PCCA: variants seen among roughly 807,000 people sequenced by gnomAD.
PCCA encodes propionyl-CoA carboxylase subunit alpha.
PCCA carries 74 observed loss-of-function variants against 101.3 expected under a neutral mutation model. The observed-to-expected ratio is 0.73, with a 90% CI of 0.61 to 0.89. The LOEUF (loss-of-function observed/expected upper bound fraction) is 0.89, where lower values mean the gene tolerates loss of function less well. PCCA is among the 40% of genes least tolerant of loss of function. The pLI is 0.00. For synonymous variants in PCCA, 294 were observed against 313.6 expected (o/e 0.94, Z 0.66); for missense variants, 891 against 907.0 (o/e 0.98, Z 0.23).
chr13:100,114,744 C>A (rs2048643343), intron 4 of PCCA, among the ~76,000 whole-genome samples: 1 of 152,180 alleles, frequency 6.6e-6, no homozygotes, highest in Non-Finnish European at 1.5e-5. Flanking sequence ...AAATCTTACC[C>A]CGGTTAAAAC....
At chr13:100,316,556 C>T (rs2067366558) in intron 16 of PCCA, among the ~76,000 whole-genome samples, 1 of 152,126 alleles carries the variant, frequency 6.6e-6, no homozygotes, top group African/African-American at 2.4e-5. Flanking sequence ...TGAATATTAT[C>T]AGTCACAAAT....
chr13:100,466,273 A>G (rs1019449701), intron 21 of PCCA: 1 of 152,184 alleles, frequency 6.6e-6, no homozygotes, highest in Non-Finnish European at 1.5e-5. Context: ...TTCTTTTTGC[A>G]GCTACTATTT....
At chr13:100,374,714 A>G (rs570010147) in intron 19 of PCCA, among the ~76,000 whole-genome samples, 3 of 152,320 alleles carry the variant, frequency 2.0e-5, no homozygotes, top group African/African-American at 7.2e-5. Flanking sequence ...AGCACTATAC[A>G]TGCACTTTTT....
In PCCA at chr13:100,524,220, C is replaced by G. The variant is rs576543975; in HGVS notation, c.2041-3455C>G. 2.0e-5 allele frequency among the ~76,000 whole-genome samples: 3 copies of G among 152,358 alleles called. No individual in the cohort carries two copies. The East Asian group carries it at 5.8e-4, about 29-fold the overall frequency. ...GGAGCCCAGCTCAATGCCCAGCCAT[C>G]CCTGGAGCACGCCCTCGAGTGTCAG... On this transcript the variant is annotated intron_variant, in intron 22 of 23. Transcript: ENST00000376285.
chr13:100,279,585 C>G (rs780401176), intron 12 of PCCA, among the ~76,000 whole-genome samples: 1 of 152,136 alleles, frequency 6.6e-6, no homozygotes, highest in Non-Finnish European at 1.5e-5. Flanking sequence ...AAACAATTCT[C>G]CTGCCTCAGC....
chr13:100,282,313 G>A (rs778414749), intron 12 of PCCA, among the ~76,000 whole-genome samples: 2 of 152,254 alleles, frequency 1.3e-5, no homozygotes, highest in African/African-American at 2.4e-5. Flanking sequence ...GCTCGCTCTC[G>A]GCGCCTCCTC....
intron 21 of PCCA, among the ~76,000 whole-genome samples, chr13:100,458,440 TACACACACACACACAC>T (rs777836240): frequency 0.014 from 1,611 of 118,806 alleles, 31 homozygotes; most frequent in African/African-American, 0.042. Flanking sequence ...CACACACACA[TACACACACACACACAC>T]ACACACACAC....
intron 10 of PCCA, among the ~76,000 whole-genome samples, chr13:100,267,964 C>T (rs949276125): frequency 3.9e-5 from 6 of 152,036 alleles, no homozygotes; most frequent in African/African-American, 1.2e-4. Context: ...ATGCTTGGGA[C>T]CAGAAGTGTT....
rs748759552 is a variant in PCCA at position 100,340,142 on chromosome 13, A to G, written c.1541-15A>G. ...AAATGATTGATTGATTGATTGGTTGATTGATTTCCCTCAGGACACATGCTA... is the reference window on the plus strand; with the variant it reads ...AAATGATTGATTGATTGATTGGTTGGTTGATTTCCCTCAGGACACATGCTA... On this transcript the variant is annotated splice_polypyrimidine_tract_variant and intron_variant, in intron 17 of 23. Coordinates refer to ENST00000376285, the MANE Select transcript of PCCA (RefSeq NM_000282.4). 6.1e-6 allele frequency: 8 copies of G among 1,315,600 alleles called. No homozygotes were observed. The East Asian group carries it at 1.1e-4, about 19-fold the overall frequency. The allele number at this position is 1,315,600 out of a possible 1,614,324, so 81.5% of individuals were successfully genotyped here.
chr13:100,356,306 GAAGA>G (rs1377453537), intron 18 of PCCA, among the ~76,000 whole-genome samples: 4 of 146,838 alleles, frequency 2.7e-5, no homozygotes, highest in African/African-American at 1.1e-4. Flanking sequence ...AGGACATGAT[GAAGA>G]AAGTGAAAAG....
At chr13:100,461,810 G>T (rs2082183286) in intron 21 of PCCA, among the ~76,000 whole-genome samples, 1 of 152,338 alleles carries the variant, frequency 6.6e-6, no homozygotes, top group Non-Finnish European at 1.5e-5. Context: ...GCTCTTGGCA[G>T]TTACCTGCCT....
intron 4 of PCCA, among the ~76,000 whole-genome samples, chr13:100,125,549 T>C (rs2049875156): frequency 6.6e-6 from 1 of 152,244 alleles, no homozygotes; most frequent in East Asian, 1.9e-4. Context: ...TAAAACTTGC[T>C]ATTGCTCACT....
intron 6 of PCCA, among the ~76,000 whole-genome samples, chr13:100,170,489 A>G (rs750428320): frequency 3.3e-5 from 5 of 152,216 alleles, no homozygotes; most frequent in Admixed American, 6.5e-5. Context: ...GGATATTACA[A>G]TGTTCCTAAG....
In PCCA at chr13:100,439,129, C is replaced by T. The variant is rs568630775; in HGVS notation, c.1846-10123C>T. Reference sequence around the variant, plus strand: ...AGCTAGTGGTTACTGGGTTAGACCACTCACAGGCAAAATTTTTTGTAAACC... The same window carrying T: ...AGCTAGTGGTTACTGGGTTAGACCATTCACAGGCAAAATTTTTTGTAAACC... On this transcript the variant is annotated intron_variant, in intron 20 of 23. Coordinates refer to ENST00000376285, the MANE Select transcript of PCCA (RefSeq NM_000282.4). Among the ~76,000 whole-genome samples the T allele has an allele frequency of 2.6e-5, 4 of 152,280 alleles. No individual in the cohort carries two copies. The East Asian group carries it at 7.7e-4, about 29-fold the overall frequency.
intron 21 of PCCA, chr13:100,464,492 C>G (rs2082372606): frequency 6.6e-6 from 1 of 152,148 alleles, no homozygotes; most frequent in Non-Finnish European, 1.5e-5. Flanking sequence ...GCTTCATTTT[C>G]CCTTTCATTT....
intron 7 of PCCA, among the ~76,000 whole-genome samples, chr13:100,212,895 TC>T (rs944678417): frequency 6.6e-6 from 1 of 151,834 alleles, no homozygotes; most frequent in African/African-American, 2.4e-5. Context: ...CCACTACCCT[TC>T]CCAGCCTCTG....
chr13:100,224,273 C>G (rs1301708821), intron 7 of PCCA, among the ~76,000 whole-genome samples: 1 of 152,248 alleles, frequency 6.6e-6, no homozygotes, highest in African/African-American at 2.4e-5. Context: ...CCAGTACACC[C>G]TCTGCAGCTG....
intron 7 of PCCA, among the ~76,000 whole-genome samples, chr13:100,227,225 C>A (rs1488704223): frequency 6.6e-6 from 1 of 152,110 alleles, no homozygotes; most frequent in Non-Finnish European, 1.5e-5. Flanking sequence ...GATCCGCCTG[C>A]CTCTGCCTCC....
chr13:100,410,661 G>A (rs927262591), intron 19 of PCCA, among the ~76,000 whole-genome samples: 6 of 152,180 alleles, frequency 3.9e-5, no homozygotes, highest in Admixed American at 6.5e-5. Context: ...TTTATAGCAC[G>A]TATTGCAGTC....
Sources: gnomAD v4.1 joint callset for allele counts (sites outside exome capture counted in the v4.1 genomes callset) on GRCh38, gnomAD v4.1.1 for gene constraint, MANE v1.5 for transcripts, NCBI Gene and HGNC (gene_info 2026-07-23, HGNC 2026-07-21) for gene names.